Variants in KALRN observed in about 807,000 individuals in gnomAD.
KALRN encodes kalirin.
KALRN carries 70 observed loss-of-function variants against 353.7 expected under a neutral mutation model. The observed-to-expected ratio is 0.20, with a 90% CI of 0.16 to 0.24. KALRN has a LOEUF of 0.24. KALRN is among the 10% of genes least tolerant of loss of function. The pLI is 1.00. For synonymous variants in KALRN, 1,391 were observed against 1,434.8 expected (o/e 0.97, Z 0.69); for missense variants, 2,791 against 3,756.7 (o/e 0.74, Z 6.72).
At chr3:124,642,232 C>T (rs1315804617) in intron 37 of KALRN, among the ~76,000 whole-genome samples, 5 of 151,600 alleles carry the variant, frequency 3.3e-5, no homozygotes, top group African/African-American at 1.2e-4. Context: ...TGCAGTGAGC[C>T]GAGATCGCGC....
intron 45 of KALRN, among the ~76,000 whole-genome samples, chr3:124,664,687 G>A (rs983547106): frequency 6.6e-6 from 1 of 152,174 alleles, no homozygotes; most frequent in Non-Finnish European, 1.5e-5. Flanking sequence ...AGGATTACAG[G>A]CGTGAGCCAC....
chr3:124,308,250 A>G (rs2077898587), intron 6 of KALRN, among the ~76,000 whole-genome samples: 1 of 152,018 alleles, frequency 6.6e-6, no homozygotes, highest in Non-Finnish European at 1.5e-5. Context: ...CCTTTTAATA[A>G]TGGATGGAAC....
chr3:124,315,162 T>C (rs1371203474), intron 6 of KALRN, among the ~76,000 whole-genome samples: 1 of 152,190 alleles, frequency 6.6e-6, no homozygotes, highest in East Asian at 1.9e-4. Flanking sequence ...TTCTCCGACC[T>C]CAAGAGTCTT....
chr3:124,051,676 A>G (rs148863122), intron 1 of KALRN, among the ~76,000 whole-genome samples: 194 of 152,242 alleles, frequency 1.3e-3, no homozygotes, highest in African/African-American at 4.6e-3. Context: ...TTTGTGTTTT[A>G]TACACTATAC....
chr3:124,116,450 C>G lies in KALRN; in HGVS notation c.73+82637C>G, dbSNP rs144285513. Among the ~76,000 whole-genome samples the G allele has an allele frequency of 3.1e-3, 474 of 152,268 alleles. 4 individuals are homozygous for G. Among genetic ancestry groups the G allele is most frequent in the African/African-American group, 0.011 (459 of 41,564 alleles). ...TATCTTACAGATCAGGAAACTGAGGCTGAAATAAGTTAAGTGACTTGACAA... is the reference window on the plus strand; with the variant it reads ...TATCTTACAGATCAGGAAACTGAGGGTGAAATAAGTTAAGTGACTTGACAA... On this transcript the variant is annotated intron_variant, in intron 1 of 59. Coordinates refer to ENST00000682506, the MANE Select transcript of KALRN (RefSeq NM_001388419.1).
chr3:124,682,150 A>C (rs1471967328), intron 51 of KALRN, among the ~76,000 whole-genome samples: 1 of 152,208 alleles, frequency 6.6e-6, no homozygotes, highest in African/African-American at 2.4e-5. Context: ...GAAGAAGAAA[A>C]TGATGAGGAG....
chr3:124,195,661 A>T (rs1327441851), intron 1 of KALRN, among the ~76,000 whole-genome samples: 1 of 152,170 alleles, frequency 6.6e-6, no homozygotes, highest in Non-Finnish European at 1.5e-5. Flanking sequence ...TTGGCTCCAC[A>T]AGAGCCTATC....
At chr3:124,201,664 C>T (rs2075957736) in intron 1 of KALRN, among the ~76,000 whole-genome samples, 1 of 152,226 alleles carries the variant, frequency 6.6e-6, no homozygotes, top group South Asian at 2.1e-4. Flanking sequence ...CCTCCTAGAG[C>T]TCCTTGTGGG....
At chr3:124,205,513 G>A (rs1288358808) in intron 1 of KALRN, among the ~76,000 whole-genome samples, 1 of 152,136 alleles carries the variant, frequency 6.6e-6, no homozygotes, top group East Asian at 1.9e-4. Flanking sequence ...TAATATGAGA[G>A]GATTTAATGA....
intron 34 of KALRN, among the ~76,000 whole-genome samples, chr3:124,631,476 C>G (rs2080773115): frequency 6.6e-6 from 1 of 152,214 alleles, no homozygotes; most frequent in Non-Finnish European, 1.5e-5. Context: ...ATCCTAACCT[C>G]AGACCCAAAA....
At chr3:124,177,998 T>TC (rs2073022748) in intron 1 of KALRN, among the ~76,000 whole-genome samples, 1 of 152,140 alleles carries the variant, frequency 6.6e-6, no homozygotes, top group African/African-American at 2.4e-5. Flanking sequence ...GGCTGCTCTT[T>TC]CAAAGGGCAG....
chr3:124,670,644 G>C (rs1208744432), intron 47 of KALRN, among the ~76,000 whole-genome samples: 3 of 152,158 alleles, frequency 2.0e-5, no homozygotes, highest in Admixed American at 6.5e-5. Flanking sequence ...GAAGTTCTCT[G>C]GGCCCCAGCT....
chr3:124,637,384 C>T, intron 37 of KALRN, 81 bp downstream of exon 37: 1 of 997,700 alleles, frequency 1.0e-6, no homozygotes, highest in Non-Finnish European at 1.6e-6. Context: ...GCCGTTTTCT[C>T]CTTTGCACCT....
intron 2 of KALRN, among the ~76,000 whole-genome samples, chr3:124,233,038 T>C (rs1430318205): frequency 2.0e-5 from 3 of 152,092 alleles, no homozygotes; most frequent in Admixed American, 2.0e-4. Context: ...TCCCCGGCCG[T>C]GATCCTGAAT....
chr3:124,184,200 C>T (rs973010432), intron 1 of KALRN, among the ~76,000 whole-genome samples: 1 of 152,150 alleles, frequency 6.6e-6, no homozygotes, highest in African/African-American at 2.4e-5. Flanking sequence ...CTGCCTCCAC[C>T]ACTTAGTAGC....
chr3:124,618,267 G>A (rs543082087), intron 34 of KALRN, among the ~76,000 whole-genome samples: 43 of 149,388 alleles, frequency 2.9e-4, no homozygotes, highest in Non-Finnish European at 5.1e-4. Flanking sequence ...CTGCCACCAC[G>A]CCCAGCTAAT....
intron 33 of KALRN, among the ~76,000 whole-genome samples, chr3:124,540,926 A>G (rs332410): frequency 0.18 from 28,036 of 152,028 alleles, 3,276 homozygotes; most frequent in African/African-American, 0.31. Flanking sequence ...TGTTCTCCCT[A>G]TTACTCTGGG....
intron 58 of KALRN, among the ~76,000 whole-genome samples, chr3:124,714,714 A>T (rs1321108614): frequency 6.6e-6 from 1 of 152,180 alleles, no homozygotes; most frequent in Non-Finnish European, 1.5e-5. Flanking sequence ...AGGCAGAGGT[A>T]TAGTTTATAG....
At chr3:124,585,994 G>A (rs541639273) in intron 34 of KALRN, among the ~76,000 whole-genome samples, 1 of 152,188 alleles carries the variant, frequency 6.6e-6, no homozygotes, top group Non-Finnish European at 1.5e-5. Context: ...TCTATCCTGA[G>A]CAGATATAAG....
Sources: gnomAD v4.1 joint callset for allele counts (sites outside exome capture counted in the v4.1 genomes callset) on GRCh38, gnomAD v4.1.1 for gene constraint, MANE v1.5 for transcripts, NCBI Gene and HGNC (gene_info 2026-07-23, HGNC 2026-07-21) for gene names.